The following TEF variants were observed in gnomAD, a reference collection of about 807,000 sequenced individuals.
TEF encodes TEF transcription factor, PAR bZIP family member.
In TEF, 3 loss-of-function variants were observed where a neutral mutation model predicts 20.8. That is an observed-to-expected ratio of 0.14 (90% CI 0.07 to 0.37). The LOEUF is 0.37. TEF is among the 10% of genes least tolerant of loss of function. The probability of loss-of-function intolerance (pLI) is 1.00; values close to 1 mark genes in which losing one functional copy is unlikely to be tolerated. For missense variants in TEF, 296 were observed against 397.9 expected (o/e 0.74, Z 2.18); for synonymous variants, 180 against 171.1 (o/e 1.05, Z -0.41).
At position 41,386,937 on chromosome 22, in the gene TEF, G is replaced by A. The variant is rs558138473; in HGVS notation, c.158-414G>A. 2.6e-5 allele frequency among the ~76,000 whole-genome samples: 4 copies of A among 152,168 alleles called. No homozygotes were observed. In the South Asian group the frequency reaches 6.2e-4, roughly 24 times the overall value. Reference sequence around the variant, plus strand: ...TGCGTACCTGTAATCCCAGCTACTCGGGAGTCTGAGGCACAAGAATCGCTT... The same window carrying A: ...TGCGTACCTGTAATCCCAGCTACTCAGGAGTCTGAGGCACAAGAATCGCTT... On this transcript the variant is annotated intron_variant, in intron 1 of 3. Transcript: ENST00000266304.
At chr22:41,372,517 G>T (rs1262846174) in intron 1 of TEF, among the ~76,000 whole-genome samples, 1 of 152,176 alleles carries the variant, frequency 6.6e-6, no homozygotes, top group African/African-American at 2.4e-5. Context: ...CTCAGAGAGA[G>T]GAAAGGCCAC....
rs1406632494 is a variant in TEF, at chr22:41,397,786, C to T, written c.*1826C>T. On this transcript the variant is annotated 3_prime_UTR_variant, in exon 4 of 4. Coordinates refer to ENST00000266304, the MANE Select transcript of TEF (RefSeq NM_003216.4). The stretch of plus-strand genomic sequence containing the variant: ...TGTCCTGCCCCGGGCAGCTCTCCCT[C>T]CCGGGCACGCTCCCTCTGGCCTGGT... 1 of 152,274 alleles carries T rather than the reference C, an allele frequency of 6.6e-6. No homozygotes were observed. Among genetic ancestry groups the T allele is most frequent in the Non-Finnish European group, 1.5e-5 (1 of 68,054 alleles). The allele number at this position is 152,274 out of a possible 1,614,324, so 9.4% of individuals were successfully genotyped here. A position where few individuals can be genotyped will look rare whatever the true frequency, so the allele number is the denominator to read the frequency against.
At chr22:41,367,866 CCAGGA>C (rs1431468328) in intron 1 of TEF, among the ~76,000 whole-genome samples, 2 of 152,090 alleles carry the variant, frequency 1.3e-5, no homozygotes, top group Admixed American at 6.5e-5. Flanking sequence ...TCATGTGGGA[CCAGGA>C]CAGGACAGGG....
upstream of TEF, among the ~76,000 whole-genome samples, chr22:41,378,164 C>T (rs943733295): frequency 8.0e-5 from 8 of 100,512 alleles, no homozygotes; most frequent in African/African-American, 2.1e-4. Flanking sequence ...TCCTTAGCTT[C>T]CTTTTTTTTT....
In TEF at chr22:41,396,987, TC is replaced by T; in HGVS notation, c.*1028del. 2.5e-6 allele frequency: 1 copy of T among 398,822 alleles called. No individual in the cohort carries two copies. Among genetic ancestry groups the T allele is most frequent in the Non-Finnish European group, 4.4e-6 (1 of 226,234 alleles). 24.7% of individuals were successfully genotyped at this position (398,822 alleles called of 1,614,324 possible). A position where few individuals can be genotyped will look rare whatever the true frequency, so the allele number is the denominator to read the frequency against. ...GTGTTTCTTGAGAAGCTCCCTTTTT[TC>T]TTGCTCTGCTCACCGGTGTGGCCTG... On this transcript the variant is annotated 3_prime_UTR_variant, in exon 4 of 4. Transcript: ENST00000266304.
chr22:41,395,888 C>G lies in TEF; in HGVS notation c.840C>G (p.Ala280=). The change falls in exon 4 of 4, where the codon GCC becomes GCG. Residue 280 remains alanine, a synonymous_variant. Transcript: ENST00000266304. ...ACACAGCCCTGCGGACGGAGGTGGC[C>G]GAGCTACGCAAGGAGGTGGGCAAGT... ...KENTALRTEV[A]ELRKEVGKCK... is the part of the protein sequence containing the mutation. 3 of 1,614,130 alleles carry G rather than the reference C, an allele frequency of 1.9e-6. No individual in the cohort carries two copies. The highest frequency in any genetic ancestry group is 1.7e-6 in the Non-Finnish European group (2 of 1,180,016).
At chr22:41,393,538 C>T (rs1227422843) in intron 2 of TEF, among the ~76,000 whole-genome samples, 1 of 152,090 alleles carries the variant, frequency 6.6e-6, no homozygotes, top group Non-Finnish European at 1.5e-5. Context: ...AGGCGGATCA[C>T]AAGGTCAGGA....
chr22:41,370,023 A>G, intron 1 of TEF: 1 of 985,352 alleles, frequency 1.0e-6, no homozygotes, highest in Non-Finnish European at 1.2e-6. Flanking sequence ...AGTGTACAGG[A>G]AAGTCTGCGG....
intron 1 of TEF, among the ~76,000 whole-genome samples, chr22:41,376,519 T>C (rs796946727): frequency 9.8e-5 from 15 of 152,348 alleles, no homozygotes; most frequent in African/African-American, 3.6e-4. Flanking sequence ...TGAGCCATCG[T>C]GCCAGGCCTG....
At chr22:41,385,192 T>G (rs1011768113) in intron 1 of TEF, among the ~76,000 whole-genome samples, 1 of 151,906 alleles carries the variant, frequency 6.6e-6, no homozygotes, top group Non-Finnish European at 1.5e-5. Context: ...GGAGAAACCC[T>G]GTCTCTACTA....
intron 1 of TEF, among the ~76,000 whole-genome samples, chr22:41,369,560 T>C (rs1336231019): frequency 6.6e-6 from 1 of 152,216 alleles, no homozygotes; most frequent in African/African-American, 2.4e-5. Flanking sequence ...TGCAGCACAT[T>C]ACTGCCCCCT....
chr22:41,385,021 C>G (rs1308098958), intron 1 of TEF, among the ~76,000 whole-genome samples: 1 of 152,136 alleles, frequency 6.6e-6, no homozygotes, highest in African/African-American at 2.4e-5. Context: ...TCCCAAAGTG[C>G]TAGGATACAG....
chr22:41,387,672 G>A lies in TEF; in HGVS notation c.475+4G>A. 1.2e-6 allele frequency: 2 copies of A among 1,608,668 alleles called. No individual in the cohort carries two copies. Among genetic ancestry groups the A allele is most frequent in the Non-Finnish European group, 1.7e-6 (2 of 1,176,250 alleles). On this transcript the variant is annotated splice_donor_region_variant and intron_variant, in intron 2 of 3. Transcript: ENST00000266304. ...TCTGAAACCGTGTCCAGCACAGGTT[G>A]GTGAAAGGCCATCGAGGAGGGCCAC...
chr22:41,368,142 C>A (rs910701023), intron 1 of TEF, among the ~76,000 whole-genome samples: 4 of 152,064 alleles, frequency 2.6e-5, no homozygotes, highest in Admixed American at 1.3e-4. Context: ...GCAAAACGCG[C>A]GAGGGAGGAG....
intron 1 of TEF, chr22:41,369,091 A>G: frequency 5.1e-6 from 5 of 985,326 alleles, no homozygotes; most frequent in Non-Finnish European, 6.0e-6. Context: ...GATGCCCCCC[A>G]GCACACACAT....
At chr22:41,372,617 G>A (rs887793767) in intron 1 of TEF, among the ~76,000 whole-genome samples, 7 of 152,222 alleles carry the variant, frequency 4.6e-5, no homozygotes, top group South Asian at 2.1e-4. Flanking sequence ...ACCATGTCTC[G>A]GGTCGTAGCT....
At chr22:41,380,025 T>C (rs1375455574), upstream of TEF, among the ~76,000 whole-genome samples, 2 of 152,172 alleles carry the variant, frequency 1.3e-5, no homozygotes, top group African/African-American at 2.4e-5. Flanking sequence ...CAGTGAGAGC[T>C]TGAATTTTGG....
At chr22:41,382,312 G>A in intron 1 of TEF, 111 bp downstream of exon 1, 1 of 962,428 alleles carries the variant, frequency 1.0e-6, no homozygotes, top group Non-Finnish European at 1.3e-6. Context: ...TGGTCCAGCG[G>A]AGGGGGATGG....
chr22:41,382,770 CT>C (rs1371991196), intron 1 of TEF, among the ~76,000 whole-genome samples: 3 of 151,294 alleles, frequency 2.0e-5, no homozygotes, highest in Non-Finnish European at 4.4e-5. Context: ...TGCGGGGCTT[CT>C]GCTGAGCGGG....
Sources: gnomAD v4.1 joint callset for allele counts (sites outside exome capture counted in the v4.1 genomes callset) on GRCh38, gnomAD v4.1.1 for gene constraint, MANE v1.5 for transcripts, NCBI Gene and HGNC (gene_info 2026-07-23, HGNC 2026-07-21) for gene names.